Variants in MBNL1 observed in about 807,000 individuals in gnomAD.
MBNL1 encodes the protein muscleblind-like protein 1.
Under a neutral mutation model 42.2 loss-of-function variants are expected in MBNL1, and 8 were observed. That is an observed-to-expected ratio of 0.19 (90% CI 0.11 to 0.34). The LOEUF is 0.34. MBNL1 is among the 10% of genes least tolerant of loss of function. The pLI is 1.00. For synonymous variants in MBNL1, 169 were observed against 173.9 expected (o/e 0.97, Z 0.22); for missense variants, 309 against 495.3 (o/e 0.62, Z 3.57).
intron 2 of MBNL1, among the ~76,000 whole-genome samples, chr3:152,367,214 T>C (rs894931139): frequency 2.6e-5 from 4 of 151,208 alleles, no homozygotes; most frequent in African/African-American, 9.8e-5. Flanking sequence ...AGTGTAATGT[T>C]CCCCTCCCTG....
At chr3:152,326,885 G>T (rs537720184) in intron 2 of MBNL1, among the ~76,000 whole-genome samples, 1 of 151,314 alleles carries the variant, frequency 6.6e-6, no homozygotes, top group Non-Finnish European at 1.5e-5. Flanking sequence ...TCACTGCAAC[G>T]TCTGCCTCCT....
intron 3 of MBNL1, among the ~76,000 whole-genome samples, chr3:152,432,294 A>G (rs74784098): frequency 2.1e-3 from 316 of 152,366 alleles, no homozygotes; most frequent in African/African-American, 7.3e-3. Flanking sequence ...GCAACCTATT[A>G]ACAGTTGTAA....
chr3:152,286,836 T>A (rs892206386), intron 1 of MBNL1, among the ~76,000 whole-genome samples: 1 of 152,088 alleles, frequency 6.6e-6, no homozygotes, highest in African/African-American at 2.4e-5. Flanking sequence ...TGTGAGGGAT[T>A]TTTTTACCAG....
intron 2 of MBNL1, among the ~76,000 whole-genome samples, chr3:152,304,436 A>G (rs565015373): frequency 1.3e-5 from 2 of 152,328 alleles, no homozygotes; most frequent in Admixed American, 1.3e-4. Context: ...GTTTTAGACT[A>G]AATATGCAAT....
intron 2 of MBNL1, among the ~76,000 whole-genome samples, chr3:152,312,834 A>G (rs1430053131): frequency 6.6e-6 from 1 of 152,116 alleles, no homozygotes; most frequent in Non-Finnish European, 1.5e-5. Context: ...ATTGGCCTGT[A>G]TGCTCTTTTC....
intron 1 of MBNL1, among the ~76,000 whole-genome samples, chr3:152,285,917 T>A (rs1040904977): frequency 6.6e-6 from 1 of 151,174 alleles, no homozygotes; most frequent in Non-Finnish European, 1.5e-5. Flanking sequence ...AGCCACTGTG[T>A]CCATCCTGAA....
intron 2 of MBNL1, among the ~76,000 whole-genome samples, chr3:152,366,216 C>G (rs887291222): frequency 2.0e-5 from 3 of 152,126 alleles, no homozygotes; most frequent in African/African-American, 7.2e-5. Flanking sequence ...GTTGTTTGAA[C>G]ATTGAGTAAC....
intron 6 of MBNL1, among the ~76,000 whole-genome samples, chr3:152,448,271 A>G (rs7631198): frequency 0.35 from 53,054 of 151,988 alleles, 9,451 homozygotes; most frequent in Middle Eastern, 0.43. Flanking sequence ...CAATCAGTAC[A>G]CTGTTTAAAA....
intron 8 of MBNL1, chr3:152,457,990 C>T (rs1226476245): frequency 3.2e-6 from 2 of 631,422 alleles, no homozygotes; most frequent in Admixed American, 2.7e-5. Flanking sequence ...CATATACATA[C>T]ATATGTATAT....
At chr3:152,357,727 C>G (rs578060773) in intron 2 of MBNL1, among the ~76,000 whole-genome samples, 2 of 152,286 alleles carry the variant, frequency 1.3e-5, no homozygotes, top group Non-Finnish European at 2.9e-5. Flanking sequence ...TAAGTTACTA[C>G]TCCCACAGGA....
intron 2 of MBNL1, among the ~76,000 whole-genome samples, chr3:152,375,212 A>G (rs1165971047): frequency 6.6e-6 from 1 of 152,184 alleles, no homozygotes; most frequent in Non-Finnish European, 1.5e-5. Flanking sequence ...GGTTTGCCCA[A>G]AAGAAATTTT....
intron 7 of MBNL1, 82 bp from the exon 8 acceptor site, chr3:152,456,185 C>T: frequency 1.1e-6 from 1 of 924,136 alleles, no homozygotes; most frequent in Non-Finnish European, 1.8e-6. Flanking sequence ...ATACCATGCC[C>T]AATTATCTCT....
intron 2 of MBNL1, among the ~76,000 whole-genome samples, chr3:152,375,605 A>T (rs552201628): frequency 4.9e-4 from 75 of 152,254 alleles, no homozygotes; most frequent in African/African-American, 1.8e-3. Context: ...GTTTGGTAAA[A>T]ATTCAGCAAT....
intron 1 of MBNL1, chr3:152,269,485 G>C (rs2038962177): frequency 2.2e-6 from 1 of 454,680 alleles, no homozygotes; most frequent in South Asian, 1.6e-5. Flanking sequence ...GCGGCGCGCG[G>C]GTCTTCCCGG....
chr3:152,278,972 A>C lies in MBNL1; in HGVS notation c.-790+9880A>C, dbSNP rs529343081. Among the ~76,000 whole-genome samples, 82 of 152,242 alleles carry C rather than the reference A, an allele frequency of 5.4e-4. 1 individual carries two copies. The highest frequency in any genetic ancestry group is 1.4e-3 in the Admixed American group (21 of 15,268). On this transcript the variant is annotated intron_variant, in intron 1 of 9. Coordinates refer to ENST00000324210, the MANE Select transcript of MBNL1 (RefSeq NM_021038.5). ...CCAAAGGAGGAAACTGAAAGAGGGA[A>C]GGAAATTCAAAGAAGGAAGTTTTTG...
intron 2 of MBNL1, among the ~76,000 whole-genome samples, chr3:152,305,969 G>A (rs760422035): frequency 6.6e-6 from 1 of 152,142 alleles, no homozygotes; most frequent in Non-Finnish European, 1.5e-5. Flanking sequence ...AACTTTCTAT[G>A]CTATGAGCTT....
intron 2 of MBNL1, among the ~76,000 whole-genome samples, chr3:152,352,057 G>A (rs896213427): frequency 1.1e-4 from 16 of 151,980 alleles, no homozygotes; most frequent in African/African-American, 3.4e-4. Flanking sequence ...TATGGCTTTA[G>A]ACTCAACATT....
intron 2 of MBNL1, among the ~76,000 whole-genome samples, chr3:152,302,714 A>G (rs886495023): frequency 6.6e-6 from 1 of 152,320 alleles, no homozygotes; most frequent in Middle Eastern, 3.4e-3. Flanking sequence ...GATCATTTGC[A>G]TTCTCTCACA....
intron 2 of MBNL1, among the ~76,000 whole-genome samples, chr3:152,363,615 G>A (rs187205085): frequency 6.2e-4 from 94 of 152,228 alleles, no homozygotes; most frequent in Admixed American, 2.9e-3. Context: ...AATGCTGAGC[G>A]TATGCCAGGC....
Sources: gnomAD v4.1 joint callset for allele counts (sites outside exome capture counted in the v4.1 genomes callset) on GRCh38, gnomAD v4.1.1 for gene constraint, MANE v1.5 for transcripts, NCBI Gene and HGNC (gene_info 2026-07-23, HGNC 2026-07-21) for gene names.